The following NFIA variants were observed in gnomAD, a reference collection of about 807,000 sequenced individuals.
NFIA encodes nuclear factor I A.
NFIA carries 8 observed loss-of-function variants against 62.8 expected under a neutral mutation model. The observed-to-expected ratio is 0.13, with a 90% CI of 0.07 to 0.23. NFIA has a LOEUF of 0.23. Among genes scored for constraint, NFIA ranks in the 10% least tolerant of loss-of-function variants. The pLI is 1.00. For missense variants in NFIA, 410 were observed against 642.1 expected, an observed-to-expected ratio of 0.64 and a Z score of 3.91; for synonymous variants, 235 against 238.1, an observed-to-expected ratio of 0.99 and a Z score of 0.12.
At position 61,404,273 on chromosome 1, in the gene NFIA, G is replaced by A; in HGVS notation, c.1245G>A (p.Gly415=). The A allele has an allele frequency of 6.2e-7, 1 of 1,605,376 alleles. No individual in the cohort carries two copies. The highest frequency in any genetic ancestry group is 8.5e-7 in the Non-Finnish European group (1 of 1,177,050). Residue 415 remains glycine (G), a synonymous_variant, in exon 8 of 11, where the codon GGG becomes GGA. Coordinates refer to ENST00000403491, the MANE Select transcript of NFIA (RefSeq NM_001134673.4). ...PDAGQQAGQV[G]FLNPNGSSQG... Reference sequence around the variant, plus strand: ...CTGGTCAGCAGGCTGGACAGGTGGGGTTCCTCAATGTAAGGAAACCTCTTT... The same window carrying A: ...CTGGTCAGCAGGCTGGACAGGTGGGATTCCTCAATGTAAGGAAACCTCTTT...
chr1:61,205,063 C>T (rs952153834), intron 2 of NFIA, among the ~76,000 whole-genome samples: 2 of 152,164 alleles, frequency 1.3e-5, no homozygotes, highest in African/African-American at 4.8e-5. Flanking sequence ...TTCATTTTCA[C>T]TATCAATTAG....
chr1:61,278,670 A>C (rs1419253335), intron 3 of NFIA, among the ~76,000 whole-genome samples: 2 of 152,176 alleles, frequency 1.3e-5, no homozygotes, highest in Non-Finnish European at 2.9e-5. Context: ...TGCCTGCTGT[A>C]ATCCCAGCTA....
intron 2 of NFIA, among the ~76,000 whole-genome samples, chr1:61,180,748 G>A (rs1363968959): frequency 3.3e-5 from 5 of 152,264 alleles, no homozygotes; most frequent in Non-Finnish European, 5.9e-5. Context: ...GGTAAGACCC[G>A]CTAACATCTT....
At chr1:61,207,140 G>C (rs1244551547) in intron 2 of NFIA, among the ~76,000 whole-genome samples, 1 of 152,144 alleles carries the variant, frequency 6.6e-6, no homozygotes, top group African/African-American at 2.4e-5. Context: ...TTTTGTAGCT[G>C]TGATGGGTTA....
chr1:61,133,809 A>C (rs1647125671), intron 2 of NFIA, among the ~76,000 whole-genome samples: 1 of 152,116 alleles, frequency 6.6e-6, no homozygotes, highest in African/African-American at 2.4e-5. Flanking sequence ...TAGCCACTGC[A>C]CTCCAGCCTG....
intron 3 of NFIA, among the ~76,000 whole-genome samples, chr1:61,312,693 T>G (rs1660181530): frequency 6.6e-6 from 1 of 151,952 alleles, no homozygotes; most frequent in African/African-American, 2.4e-5. Flanking sequence ...TTTTTTTATT[T>G]TTTAGAGATG....
intron 6 of NFIA, among the ~76,000 whole-genome samples, chr1:61,378,679 A>G (rs1664265902): frequency 1.3e-5 from 2 of 152,208 alleles, no homozygotes; most frequent in African/African-American, 4.8e-5. Flanking sequence ...TCTTCTGCTT[A>G]GGTCATACAA....
chr1:61,354,996 TC>T (rs1474332150), intron 5 of NFIA, among the ~76,000 whole-genome samples: 1 of 146,680 alleles, frequency 6.8e-6, no homozygotes, highest in Admixed American at 6.8e-5. Context: ...CAGTTCAGGG[TC>T]CTATGAACAC....
chr1:61,391,435 A>AAC (rs60938787), intron 7 of NFIA, among the ~76,000 whole-genome samples: 14,515 of 124,408 alleles, frequency 0.12, 894 homozygotes, highest in Middle Eastern at 0.17. Flanking sequence ...TTATGAATCA[A>AAC]ACACACACAC....
chr1:61,328,100 T>TG (rs1341883672), intron 3 of NFIA, among the ~76,000 whole-genome samples: 3 of 103,928 alleles, frequency 2.9e-5, no homozygotes, highest in African/African-American at 9.0e-5. Context: ...TACTTTTTGC[T>TG]GGGATTTTTT....
intron 3 of NFIA, among the ~76,000 whole-genome samples, chr1:61,304,904 A>G (rs1659684919): frequency 6.6e-6 from 1 of 152,200 alleles, no homozygotes; most frequent in Admixed American, 6.5e-5. Context: ...ATCTGAAAAC[A>G]GGAATAGTAA....
chr1:61,085,192 T>A (rs894736684), intron 1 of NFIA, among the ~76,000 whole-genome samples: 4 of 151,574 alleles, frequency 2.6e-5, no homozygotes, highest in African/African-American at 4.8e-5. Flanking sequence ...GTAGGCAATT[T>A]AAAAAAAAAC....
intron 3 of NFIA, among the ~76,000 whole-genome samples, chr1:61,307,986 C>A (rs1659892719): frequency 1.3e-5 from 2 of 152,108 alleles, no homozygotes; most frequent in Non-Finnish European, 2.9e-5. Flanking sequence ...AGAGAGCATG[C>A]CTTGCTGTGA....
intron 3 of NFIA, among the ~76,000 whole-genome samples, chr1:61,316,974 G>A (rs1660397927): frequency 6.6e-6 from 1 of 152,024 alleles, no homozygotes; most frequent in Non-Finnish European, 1.5e-5. Context: ...AATATTAATT[G>A]CTTATTTTAT....
chr1:61,325,139 C>T (rs1319796764), intron 3 of NFIA, among the ~76,000 whole-genome samples: 1 of 152,102 alleles, frequency 6.6e-6, no homozygotes, highest in Non-Finnish European at 1.5e-5. Flanking sequence ...TTCTGAGAGG[C>T]CCTATTCAAA....
intron 2 of NFIA, among the ~76,000 whole-genome samples, chr1:61,228,421 C>T (rs1654462964): frequency 6.6e-6 from 1 of 152,164 alleles, no homozygotes; most frequent in African/African-American, 2.4e-5. Flanking sequence ...TGTAACCACC[C>T]ATCTGTGCAT....
intron 2 of NFIA, among the ~76,000 whole-genome samples, chr1:61,138,578 T>C (rs1647268556): frequency 6.6e-6 from 1 of 151,594 alleles, no homozygotes; most frequent in South Asian, 2.1e-4. Flanking sequence ...TATTTATTTA[T>C]TTATTTATTT....
intron 2 of NFIA, among the ~76,000 whole-genome samples, chr1:61,156,365 G>T (rs933516676): frequency 6.6e-6 from 1 of 152,112 alleles, no homozygotes; most frequent in Non-Finnish European, 1.5e-5. Flanking sequence ...TCTTCTTGTG[G>T]GACTTGTATG....
chr1:61,248,064 G>A (rs1320317398), intron 2 of NFIA, among the ~76,000 whole-genome samples: 1 of 152,056 alleles, frequency 6.6e-6, no homozygotes, highest in Non-Finnish European at 1.5e-5. Flanking sequence ...AGAAAGTTCT[G>A]AAAAATCTAA....
Sources: gnomAD v4.1 joint callset for allele counts (sites outside exome capture counted in the v4.1 genomes callset) on GRCh38, gnomAD v4.1.1 for gene constraint, MANE v1.5 for transcripts, NCBI Gene and HGNC (gene_info 2026-07-23, HGNC 2026-07-21) for gene names.